TRPC4AP: variants seen among roughly 807,000 people sequenced by gnomAD.
The protein encoded by TRPC4AP is short transient receptor potential channel 4-associated protein.
In TRPC4AP, 45 loss-of-function variants were observed where a neutral mutation model predicts 99.0. The observed-to-expected ratio is 0.45, with a 90% CI of 0.36 to 0.58. The LOEUF (loss-of-function observed/expected upper bound fraction) is 0.58, where lower values mean the gene tolerates loss of function less well. TRPC4AP is among the 20% of genes least tolerant of loss of function. The pLI, the probability that TRPC4AP is intolerant of heterozygous loss-of-function variation, is 0.00. For missense variants in TRPC4AP, 879 were observed against 985.3 expected (o/e 0.89, Z 1.44); for synonymous variants, 408 against 385.8 (o/e 1.06, Z -0.67).
At chr20:35,050,210 A>G (rs6060180) in intron 5 of TRPC4AP, among the ~76,000 whole-genome samples, 117,207 of 152,098 alleles carry the variant, frequency 0.77, 45,504 homozygotes, top group Middle Eastern at 0.83. Flanking sequence ...ACAAGTGGGA[A>G]CTCACTTGTG....
chr20:35,075,085 CT>C (rs201902537), intron 2 of TRPC4AP, among the ~76,000 whole-genome samples: 4 of 148,968 alleles, frequency 2.7e-5, no homozygotes, highest in Admixed American at 6.7e-5. Flanking sequence ...GCAACCCCTG[CT>C]TTTTTTTTTG....
At chr20:35,014,499 C>T (rs2082707099) in intron 10 of TRPC4AP, among the ~76,000 whole-genome samples, 1 of 151,926 alleles carries the variant, frequency 6.6e-6, no homozygotes. Flanking sequence ...CAAACACAAG[C>T]ATTAGTGCCC....
chr20:35,003,372 C>A lies in TRPC4AP; in HGVS notation c.2256+38G>T, dbSNP rs747619622. ...ACCCCTCTGAGAGGCCCTGGGTCCG[C>A]GGCCCACCCATCACCCCCTTGAGGG... On this transcript the variant is annotated intron_variant, in intron 18 of 18. Coordinates refer to ENST00000252015, the MANE Select transcript of TRPC4AP (RefSeq NM_015638.3). The A allele has an allele frequency of 8.8e-6, 14 of 1,588,668 alleles. No homozygotes were observed. The East Asian group carries it at 3.2e-4, about 36-fold the overall frequency.
chr20:35,090,394 T>TTTTTTTTTTTC (rs2085022414), intron 1 of TRPC4AP, among the ~76,000 whole-genome samples: 1 of 147,298 alleles, frequency 6.8e-6, no homozygotes, highest in African/African-American at 2.5e-5. Flanking sequence ...TTTTTTTTTT[T>TTTTTTTTTTTC]GAGATGAAGT....
At chr20:35,043,117 T>A (rs538734240) in intron 7 of TRPC4AP, among the ~76,000 whole-genome samples, 1 of 152,166 alleles carries the variant, frequency 6.6e-6, no homozygotes, top group African/African-American at 2.4e-5. Context: ...TAGCAGTACA[T>A]AGAGATCTTC....
chr20:35,030,015 G>A (rs1600546471), intron 8 of TRPC4AP, among the ~76,000 whole-genome samples: 2 of 148,602 alleles, frequency 1.3e-5, no homozygotes, highest in African/African-American at 4.9e-5. Flanking sequence ...GCCAAGGTGG[G>A]TGGACCACCT....
chr20:35,075,945 CTT>C (rs919744568), intron 2 of TRPC4AP, among the ~76,000 whole-genome samples: 8 of 152,268 alleles, frequency 5.3e-5, no homozygotes, highest in African/African-American at 1.9e-4. Flanking sequence ...TTCTTGGAGG[CTT>C]TGTTTGTTTC....
rs1339195354 is a variant in TRPC4AP at position 35,024,834 on chromosome 20, A to C, written c.1052-3478T>G. The stretch of plus-strand genomic sequence containing the variant: ...CAGAGAGAGACCGTCTCAAAAAAAA[A>C]AAAAAAAAAAAAAAAAAAAAATTCT... On this transcript the variant is annotated intron_variant, in intron 8 of 18. Coordinates refer to ENST00000252015, the MANE Select transcript of TRPC4AP (RefSeq NM_015638.3). Among the ~76,000 whole-genome samples the C allele has an allele frequency of 7.0e-3, 617 of 88,154 alleles. 42 individuals are homozygous for C. Among genetic ancestry groups the C allele is most frequent in the African/African-American group, 0.021 (574 of 26,990 alleles). 57.8% of individuals were successfully genotyped at this position (88,154 alleles called of 152,430 possible). A position where few individuals can be genotyped will look rare whatever the true frequency, so the allele number is the denominator to read the frequency against.
chr20:35,039,401 A>G (rs950026174), intron 7 of TRPC4AP, among the ~76,000 whole-genome samples: 2 of 152,194 alleles, frequency 1.3e-5, no homozygotes, highest in Admixed American at 6.5e-5. Flanking sequence ...AATTCACTGG[A>G]CCAATCATAC....
intron 8 of TRPC4AP, among the ~76,000 whole-genome samples, chr20:35,030,114 G>A (rs2083145489): frequency 6.6e-6 from 1 of 151,186 alleles, no homozygotes; most frequent in Admixed American, 6.6e-5. Context: ...GGTGGCACAT[G>A]CCTGTAATCC....
At chr20:35,089,487 C>T (rs2084980799) in intron 1 of TRPC4AP, among the ~76,000 whole-genome samples, 1 of 151,062 alleles carries the variant, frequency 6.6e-6, no homozygotes, top group South Asian at 2.1e-4. Context: ...CCATCTTGGT[C>T]TCCCAAAGTG....
In TRPC4AP at chr20:35,024,854, A is replaced by AAAAAAAAAAAAAAAAACAT. The variant is rs1479270980; in HGVS notation, c.1052-3499_1052-3498insATGTTTTTTTTTTTTTTTT. 1.3e-3 allele frequency among the ~76,000 whole-genome samples: 117 copies of AAAAAAAAAAAAAAAAACAT among 89,462 alleles called. 30 individuals are homozygous for AAAAAAAAAAAAAAAAACAT. Among genetic ancestry groups the AAAAAAAAAAAAAAAAACAT allele is most frequent in the East Asian group, 2.6e-3 (6 of 2,280 alleles). The allele number at this position is 89,462 out of a possible 152,430, so 58.7% of individuals were successfully genotyped here. ...AAAAAAAAAAAAAAAAAAAAAAAAA[A>AAAAAAAAAAAAAAAAACAT]ATTCTGTTTATTCATTAATCAGGTG... is the stretch of plus-strand genomic sequence containing the variant. On this transcript the variant is annotated intron_variant, in intron 8 of 18. Coordinates refer to ENST00000252015, the MANE Select transcript of TRPC4AP (RefSeq NM_015638.3).
intron 7 of TRPC4AP, among the ~76,000 whole-genome samples, chr20:35,043,374 G>A (rs955445797): frequency 6.6e-6 from 1 of 152,036 alleles, no homozygotes; most frequent in Admixed American, 6.6e-5. Context: ...AGCCTTCTGA[G>A]TAACTGGGAC....
chr20:35,015,695 G>T (rs1389954076), intron 10 of TRPC4AP, among the ~76,000 whole-genome samples: 1 of 151,940 alleles, frequency 6.6e-6, no homozygotes, highest in African/African-American at 2.4e-5. Flanking sequence ...TCACCATGTT[G>T]GCCAGGCTGG....
chr20:35,041,433 T>C (rs1600574101), intron 7 of TRPC4AP, among the ~76,000 whole-genome samples: 1 of 152,080 alleles, frequency 6.6e-6, no homozygotes, highest in East Asian at 1.9e-4. Flanking sequence ...AACTACAACT[T>C]TTAGGCTTTA....
chr20:35,020,738 C>G (rs1302680139), intron 9 of TRPC4AP, among the ~76,000 whole-genome samples: 1 of 152,160 alleles, frequency 6.6e-6, no homozygotes, highest in African/African-American at 2.4e-5. Flanking sequence ...CCTCCTCCTC[C>G]GTCTTGGAAC....
At chr20:35,011,057 G>A (rs1313890356) in intron 11 of TRPC4AP, among the ~76,000 whole-genome samples, 1 of 152,114 alleles carries the variant, frequency 6.6e-6, no homozygotes, top group East Asian at 1.9e-4. Flanking sequence ...TCAGGAGTTC[G>A]AGACCAGCCT....
At chr20:35,069,260 T>A in intron 3 of TRPC4AP, 36 bp downstream of exon 3, 1 of 1,175,244 alleles carries the variant, frequency 8.5e-7, no homozygotes, top group Non-Finnish European at 1.3e-6. Flanking sequence ...CATTAAGCAG[T>A]AGTAACAGCA....
At chr20:35,086,623 T>G (rs2084891732) in intron 1 of TRPC4AP, among the ~76,000 whole-genome samples, 1 of 151,538 alleles carries the variant, frequency 6.6e-6, no homozygotes, top group African/African-American at 2.4e-5. Context: ...TTTTTCAGTA[T>G]CAAATTACCT....
Sources: gnomAD v4.1 joint callset for allele counts (sites outside exome capture counted in the v4.1 genomes callset) on GRCh38, gnomAD v4.1.1 for gene constraint, MANE v1.5 for transcripts, NCBI Gene and HGNC (gene_info 2026-07-23, HGNC 2026-07-21) for gene names.